Variants in CDH13 observed in about 807,000 individuals in gnomAD.
CDH13 encodes the protein cadherin 13, also known as cadherin-13.
A neutral mutation model predicts 63.8 loss-of-function variants in CDH13; 24 were observed. The ratio of observed to expected loss-of-function variants is 0.38; its 90% CI spans 0.27 to 0.53. The LOEUF is 0.53. Among genes scored for constraint, CDH13 ranks in the 20% least tolerant of loss-of-function variants. The pLI, the probability that CDH13 is intolerant of heterozygous loss-of-function variation, is 0.85. For synonymous variants in CDH13, 503 were observed against 355.3 expected (o/e 1.42, Z -4.67); for missense variants, 1,049 against 903.1 (o/e 1.16, Z -2.07).
intron 6 of CDH13, among the ~76,000 whole-genome samples, chr16:83,359,050 G>A (rs1338292408): frequency 6.6e-6 from 1 of 152,122 alleles, no homozygotes; most frequent in Non-Finnish European, 1.5e-5. Context: ...AAACTTTAAA[G>A]GGCTCTAGAA....
chr16:83,044,330 T>A (rs1917587969), intron 3 of CDH13, among the ~76,000 whole-genome samples: 1 of 152,254 alleles, frequency 6.6e-6, no homozygotes, highest in Non-Finnish European at 1.5e-5. Flanking sequence ...GCTTTTCTAT[T>A]TTTCAGTAAA....
At chr16:83,342,316 C>A (rs746622962) in intron 5 of CDH13, among the ~76,000 whole-genome samples, 1 of 152,154 alleles carries the variant, frequency 6.6e-6, no homozygotes, top group Non-Finnish European at 1.5e-5. Context: ...TTGTTTATCA[C>A]CTGTCTTTCC....
At chr16:82,999,147 T>C (rs1326202224) in intron 2 of CDH13, among the ~76,000 whole-genome samples, 1 of 152,190 alleles carries the variant, frequency 6.6e-6, no homozygotes, top group Non-Finnish European at 1.5e-5. Flanking sequence ...TCTTTGGACT[T>C]GTCCTCTTAT....
chr16:83,577,297 A>C (rs1195169214), intron 7 of CDH13, among the ~76,000 whole-genome samples: 2 of 152,230 alleles, frequency 1.3e-5, no homozygotes, highest in East Asian at 3.9e-4. Context: ...CATTGAAGGA[A>C]GAAGAGAGGA....
chr16:83,100,654 T>G (rs7187957), intron 3 of CDH13, among the ~76,000 whole-genome samples: 1 of 152,186 alleles, frequency 6.6e-6, no homozygotes, highest in African/African-American at 2.4e-5. Flanking sequence ...CTTCATAACC[T>G]ATTCTTGCTG....
chr16:83,014,744 ATATAT>A (rs1293624235), intron 2 of CDH13, among the ~76,000 whole-genome samples: 447 of 31,718 alleles, frequency 0.014, 37 homozygotes, highest in East Asian at 0.1. Flanking sequence ...AAAAAAAAAA[ATATAT>A]ATATATATAT....
intron 6 of CDH13, among the ~76,000 whole-genome samples, chr16:83,381,555 T>A (rs1326404787): frequency 6.6e-6 from 1 of 151,832 alleles, no homozygotes; most frequent in East Asian, 1.9e-4. Context: ...TTTACAGACT[T>A]TCTCTTCCCA....
At chr16:82,841,183 C>G (rs536960617) in intron 1 of CDH13, among the ~76,000 whole-genome samples, 2 of 152,268 alleles carry the variant, frequency 1.3e-5, no homozygotes, top group Admixed American at 1.3e-4. Context: ...TGTCCCAAAT[C>G]CAGATGCTCG....
In CDH13 at chr16:83,035,396, A is replaced by G. The variant is rs560350389; in HGVS notation, c.366+3178A>G. ...GGGGAGCTGGGCTGGTCCTCAAAGC[A>G]CCAACCATGTGCCAGGTGTTGCTCC... On this transcript the variant is annotated intron_variant, in intron 3 of 13. Transcript: ENST00000567109. 5.9e-5 allele frequency among the ~76,000 whole-genome samples: 9 copies of G among 152,248 alleles called. No individual in the cohort carries two copies. In the South Asian group the frequency reaches 1.9e-3, roughly 32 times the overall value.
At chr16:83,449,872 T>C (rs764160354) in intron 6 of CDH13, among the ~76,000 whole-genome samples, 1 of 152,148 alleles carries the variant, frequency 6.6e-6, no homozygotes, top group Non-Finnish European at 1.5e-5. Flanking sequence ...AGACCACAGA[T>C]TTGTGCAGAG....
chr16:82,893,888 G>A (rs1421796200), intron 2 of CDH13, among the ~76,000 whole-genome samples: 1 of 152,052 alleles, frequency 6.6e-6, no homozygotes, highest in African/African-American at 2.4e-5. Context: ...TGGTCCAAGT[G>A]ACATCATTCC....
intron 1 of CDH13, among the ~76,000 whole-genome samples, chr16:82,711,504 A>C (rs1309136390): frequency 3.9e-5 from 6 of 152,164 alleles, no homozygotes; most frequent in African/African-American, 1.4e-4. Flanking sequence ...TGGGTTCAAG[A>C]GGTGATGCCA....
chr16:83,535,262 C>G (rs908607752), intron 7 of CDH13, among the ~76,000 whole-genome samples: 1 of 152,224 alleles, frequency 6.6e-6, no homozygotes, highest in Admixed American at 6.5e-5. Flanking sequence ...GAAAGAGACA[C>G]AGGCTTTTAT....
At position 83,686,026 on chromosome 16, in the gene CDH13, C is replaced by A. The variant is rs181521418; in HGVS notation, c.1538+7565C>A. ...GTCTTCTTGTATTTTCATAACCACC[C>A]TGTAAATGAGAACATCTTGTTCTCC... On this transcript the variant is annotated intron_variant, in intron 10 of 13. Coordinates refer to ENST00000567109, the MANE Select transcript of CDH13 (RefSeq NM_001257.5). 9.1e-4 allele frequency among the ~76,000 whole-genome samples: 139 copies of A among 152,312 alleles called. 2 individuals are homozygous for A. The highest frequency in any genetic ancestry group is 9.0e-3 in the Admixed American group (138 of 15,302).
Position 83,512,436 on chromosome 16 carries a change from C to T in CDH13, c.960+25781C>T, listed in dbSNP as rs762393702. On this transcript the variant is annotated intron_variant, in intron 7 of 13. Transcript: ENST00000567109. ...CTGTAATCCCAGCACTTTGGGAGGC[C>T]GAGGTGGGTGGATCACGAGGTCAGG... Among the ~76,000 whole-genome samples the T allele has an allele frequency of 3.6e-4, 54 of 150,666 alleles. 1 individual carries two copies. The highest frequency in any genetic ancestry group is 5.9e-4 in the Non-Finnish European group (40 of 67,786).
At chr16:82,751,738 G>A (rs1230827176) in intron 1 of CDH13, among the ~76,000 whole-genome samples, 3 of 150,828 alleles carry the variant, frequency 2.0e-5, no homozygotes, top group Non-Finnish European at 4.4e-5. Context: ...CTGCTTTTTA[G>A]ACAAGAGATC....
intron 11 of CDH13, among the ~76,000 whole-genome samples, chr16:83,776,961 C>CACACATCTGT: frequency 6.6e-6 from 1 of 152,202 alleles, no homozygotes; most frequent in African/African-American, 2.4e-5. Flanking sequence ...CGCCAAGCTG[C>CACACATCTGT]ACAGGTGCAT....
chr16:82,628,545 T>G (rs1046340656), intron 1 of CDH13, among the ~76,000 whole-genome samples: 1 of 152,110 alleles, frequency 6.6e-6, no homozygotes, highest in Non-Finnish European at 1.5e-5. Flanking sequence ...GAGATTCAAG[T>G]GCCCGGCTGC....
intron 8 of CDH13, among the ~76,000 whole-genome samples, chr16:83,616,928 C>T (rs1421033008): frequency 6.6e-6 from 1 of 152,210 alleles, no homozygotes; most frequent in Non-Finnish European, 1.5e-5. Context: ...ACTACACACT[C>T]TGTTCCCTTC....
Sources: gnomAD v4.1 joint callset for allele counts (sites outside exome capture counted in the v4.1 genomes callset) on GRCh38, gnomAD v4.1.1 for gene constraint, MANE v1.5 for transcripts, NCBI Gene and HGNC (gene_info 2026-07-23, HGNC 2026-07-21) for gene names.